ITGB5: variants seen among roughly 807,000 people sequenced by gnomAD.
ITGB5 encodes the protein integrin beta-5.
In ITGB5, 38 loss-of-function variants were observed where a neutral mutation model predicts 84.8. That is an observed-to-expected ratio of 0.45 (90% CI 0.35 to 0.59). ITGB5 has a LOEUF of 0.59. ITGB5 is among the 20% of genes least tolerant of loss of function. The pLI, the probability that ITGB5 is intolerant of heterozygous loss-of-function variation, is 0.01. For synonymous variants in ITGB5, 393 were observed against 414.4 expected, an observed-to-expected ratio of 0.95 and a Z score of 0.63; for missense variants, 905 against 1,034.5, an observed-to-expected ratio of 0.87 and a Z score of 1.72.
rs1368317042 is a variant in ITGB5, at chr3:124,874,223, G to A, written c.71-692C>T. Among the ~76,000 whole-genome samples, 4 of 150,306 alleles carry A rather than the reference G, an allele frequency of 2.7e-5. No homozygotes were observed. The East Asian group carries it at 7.8e-4, about 29-fold the overall frequency. On this transcript the variant is annotated intron_variant, in intron 1 of 14. Coordinates refer to ENST00000296181, the MANE Select transcript of ITGB5 (RefSeq NM_002213.5). ...TCTAAGAAAAACAAAATTTCACCAG[G>A]TGTGGTAGTGTGCACTTTGAGCCAT...
At chr3:124,788,650 G>A (rs2064116083) in intron 10 of ITGB5, among the ~76,000 whole-genome samples, 1 of 152,190 alleles carries the variant, frequency 6.6e-6, no homozygotes, top group Non-Finnish European at 1.5e-5. Flanking sequence ...TATGATACCA[G>A]GTAAGGGAAA....
chr3:124,847,635 C>G (rs2065095398), intron 4 of ITGB5, among the ~76,000 whole-genome samples: 1 of 152,138 alleles, frequency 6.6e-6, no homozygotes, highest in Non-Finnish European at 1.5e-5. Flanking sequence ...TGGAAAGCAC[C>G]TGAGTCCCTG....
intron 2 of ITGB5, among the ~76,000 whole-genome samples, chr3:124,870,980 C>A (rs35271949): frequency 0.16 from 23,888 of 151,564 alleles, 1,970 homozygotes; most frequent in South Asian, 0.21. Flanking sequence ...AGCTCCTCCT[C>A]CCGGGCTCAA....
intron 10 of ITGB5, chr3:124,791,171 T>A (rs1300893992): frequency 6.6e-6 from 1 of 152,184 alleles, no homozygotes; most frequent in Admixed American, 6.5e-5. Context: ...ATGTCCTGCT[T>A]CTCATATTCT....
intron 1 of ITGB5, 33 bp from the exon 2 acceptor site, chr3:124,873,564 T>A: frequency 6.7e-7 from 1 of 1,489,704 alleles, no homozygotes; most frequent in Non-Finnish European, 9.4e-7. Flanking sequence ...ACTAATTAGT[T>A]CCTGGCTATA....
chr3:124,763,661 T>C lies in ITGB5; in HGVS notation c.2362A>G (p.Asn788Asp), dbSNP rs111405076. 1 of 1,591,712 alleles carries C rather than the reference T, an allele frequency of 6.3e-7. No homozygotes were observed. The highest frequency in any genetic ancestry group is 1.1e-5 in the South Asian group (1 of 89,890). The change falls in exon 15 of 15, where the codon AAC (asparagine) becomes GAC (aspartate). Residue 788 changes from asparagine (N) to aspartate (D), a missense_variant. This residue lies in a region of ITGB5 where 133 missense variants were observed against 122.8 expected (regional missense o/e 1.08). Coordinates refer to ENST00000296181, the MANE Select transcript of ITGB5 (RefSeq NM_002213.5). Reference protein sequence around the residue: ...ISTHTVDFTFNKFNKSYNGTV... With the variant: ...ISTHTVDFTFDKFNKSYNGTV... ...CCATTGTAGGATTTGTTGAACTTGTTGAAGGTGAAGTCCACAGTGTGCGTG... is the reference window on the plus strand; with the variant it reads ...CCATTGTAGGATTTGTTGAACTTGTCGAAGGTGAAGTCCACAGTGTGCGTG...
chr3:124,794,322 A>G (rs1033431790), intron 10 of ITGB5, among the ~76,000 whole-genome samples: 17 of 152,158 alleles, frequency 1.1e-4, no homozygotes, highest in African/African-American at 4.1e-4. Flanking sequence ...ATCAGTGTAA[A>G]CTCCTGTGTT....
intron 4 of ITGB5, among the ~76,000 whole-genome samples, chr3:124,843,011 G>C (rs1205498683): frequency 6.6e-6 from 1 of 152,120 alleles, no homozygotes; most frequent in South Asian, 2.1e-4. Context: ...CGGGGCCGGC[G>C]GCAGCGATGG....
chr3:124,800,725 C>T (rs1018410588), intron 9 of ITGB5, among the ~76,000 whole-genome samples: 1 of 152,206 alleles, frequency 6.6e-6, no homozygotes, highest in Non-Finnish European at 1.5e-5. Flanking sequence ...GTTTGCTTAC[C>T]CCTCCTTTCA....
intron 13 of ITGB5, among the ~76,000 whole-genome samples, chr3:124,765,939 G>C (rs148090119): frequency 6.6e-6 from 1 of 151,846 alleles, no homozygotes; most frequent in Non-Finnish European, 1.5e-5. Context: ...CATGCCTGTA[G>C]TGCCAGCTGC....
intron 2 of ITGB5, among the ~76,000 whole-genome samples, chr3:124,871,494 G>C (rs1015588353): frequency 1.3e-5 from 2 of 152,044 alleles, no homozygotes; most frequent in African/African-American, 4.8e-5. Context: ...GCGCCTGGCC[G>C]AATTGATTCT....
chr3:124,814,408 C>T (rs956828610), intron 8 of ITGB5, among the ~76,000 whole-genome samples: 2 of 150,998 alleles, frequency 1.3e-5, no homozygotes, highest in Non-Finnish European at 2.9e-5. Context: ...TCATATTATA[C>T]ACTTTAAATC....
chr3:124,777,653 C>T (rs571397156), intron 10 of ITGB5, among the ~76,000 whole-genome samples: 1 of 152,350 alleles, frequency 6.6e-6, no homozygotes, highest in East Asian at 1.9e-4. Flanking sequence ...CTGGGCTTGC[C>T]CTCAGAATCC....
Position 124,809,129 on chromosome 3 carries a change from C to T in ITGB5, c.1156G>A (p.Val386Ile), listed in dbSNP as rs751905075. The part of the protein sequence containing the change: ...NSIRSKVELS[V>I]WDQPEDLNLF... ...TTAAGATCCTCAGGCTGATCCCAGA[C>T]TGACAACTCCACTTTAGACCGGATA... The change falls in exon 9 of 15, where the codon GTC becomes ATC. Residue 386 changes from valine (V) to isoleucine (I), a missense_variant. Val to Ile is a conservative substitution (Grantham distance 29). Transcript: ENST00000296181. 5.6e-6 allele frequency: 9 copies of T among 1,614,010 alleles called. No homozygotes were observed. Among genetic ancestry groups the T allele is most frequent in the African/African-American group, 1.3e-5 (1 of 74,932 alleles).
chr3:124,827,688 T>A (rs1002423054), intron 5 of ITGB5, among the ~76,000 whole-genome samples: 6 of 152,224 alleles, frequency 3.9e-5, no homozygotes, highest in Admixed American at 3.3e-4. Context: ...AGCCATCGTA[T>A]CCCCTGTGAC....
chr3:124,840,532 G>A (rs2064996221), intron 5 of ITGB5, among the ~76,000 whole-genome samples: 1 of 151,696 alleles, frequency 6.6e-6, no homozygotes, highest in African/African-American at 2.4e-5. Context: ...TGCTAAGATT[G>A]GAACCTCTCG....
Position 124,858,003 on chromosome 3 carries a change from G to A in ITGB5, c.361+1239C>T, listed in dbSNP as rs191485111. The stretch of plus-strand genomic sequence containing the variant: ...ACACACACAAAAAAATTAGCTGGGC[G>A]TGGTGGTACACATCCAGCTATTAGG... On this transcript the variant is annotated intron_variant, in intron 3 of 14. Coordinates refer to ENST00000296181, the MANE Select transcript of ITGB5 (RefSeq NM_002213.5). Among the ~76,000 whole-genome samples the A allele has an allele frequency of 5.1e-4, 77 of 152,054 alleles. No individual in the cohort carries two copies. In the South Asian group the frequency reaches 6.2e-3, roughly 12 times the overall value.
chr3:124,813,494 T>C (rs557713890), intron 8 of ITGB5, among the ~76,000 whole-genome samples: 2 of 152,320 alleles, frequency 1.3e-5, no homozygotes, highest in South Asian at 4.1e-4. Context: ...TTGTCATCTA[T>C]ACTTCCAACT....
chr3:124,834,621 G>T (rs1425470451), intron 5 of ITGB5, among the ~76,000 whole-genome samples: 2 of 123,608 alleles, frequency 1.6e-5, no homozygotes, highest in African/African-American at 3.1e-5. Flanking sequence ...GGGAAGGATG[G>T]GGAGGGAGGG....
Sources: allele counts gnomAD v4.1 joint callset (sites outside exome capture counted in the v4.1 genomes callset), GRCh38; gene constraint gnomAD v4.1.1; regional missense constraint gnomAD v4.1.1; transcripts MANE v1.5; gene names NCBI Gene and HGNC (gene_info 2026-07-23, HGNC 2026-07-21).